Variants in CSMD1 observed in about 807,000 individuals in gnomAD.
CSMD1 encodes the protein CUB and sushi domain-containing protein 1.
Under a neutral mutation model 417.5 loss-of-function variants are expected in CSMD1, and 213 were observed. That is an observed-to-expected ratio of 0.51 (90% CI 0.46 to 0.57). The LOEUF (loss-of-function observed/expected upper bound fraction) is 0.57, where lower values mean the gene tolerates loss of function less well. Among genes scored for constraint, CSMD1 ranks in the 20% least tolerant of loss-of-function variants. CSMD1 has a pLI of 0.00. For synonymous variants in CSMD1, 2,862 were observed against 1,736.8 expected (o/e 1.65, Z -16.11); for missense variants, 6,923 against 4,529.7 (o/e 1.53, Z -15.17).
chr8:4,320,798 C>T (rs1799228774), intron 3 of CSMD1, among the ~76,000 whole-genome samples: 2 of 152,218 alleles, frequency 1.3e-5, no homozygotes, highest in South Asian at 4.1e-4. Context: ...GGATCTAGAA[C>T]TAGACCTACC....
At chr8:3,702,650 G>A (rs922362730) in intron 7 of CSMD1, among the ~76,000 whole-genome samples, 1 of 152,178 alleles carries the variant, frequency 6.6e-6, no homozygotes, top group African/African-American at 2.4e-5. Context: ...TTCCAACATG[G>A]TGAAACCCCA....
chr8:3,371,684 T>A (rs7829968), intron 18 of CSMD1, among the ~76,000 whole-genome samples: 116,673 of 152,122 alleles, frequency 0.77, 45,185 homozygotes, highest in African/African-American at 0.88. Flanking sequence ...AAGATGTGAC[T>A]AGCCTCATCG....
chr8:4,110,291 AATTT>A (rs1341722045), intron 3 of CSMD1, among the ~76,000 whole-genome samples: 1 of 152,156 alleles, frequency 6.6e-6, no homozygotes, highest in Non-Finnish European at 1.5e-5. Flanking sequence ...AAGCAATTTT[AATTT>A]ATTTATCCAC....
Position 2,974,536 on chromosome 8 carries a change from G to C in CSMD1, c.8655C>G (p.Cys2885Trp). Residue 2885 changes from cysteine (C) to tryptophan (W), a missense_variant, in exon 56 of 70, where the codon TGC (cysteine) becomes TGG (tryptophan). Coordinates refer to ENST00000635120, the MANE Select transcript of CSMD1 (RefSeq NM_033225.6). Reference sequence around the variant, plus strand: ...TGCCTATGAGGCTCTCGCTCCCTCTGCAGGAGTAGTGCACGACGGCGCCAT... The same window carrying C: ...TGCCTATGAGGCTCTCGCTCCCTCTCCAGGAGTAGTGCACGACGGCGCCAT... ...FTYGAVVHYS[C>W]RGSESLIGND... is the part of the protein sequence containing the mutation. 1 of 1,613,598 alleles carries C rather than the reference G, an allele frequency of 6.2e-7. No homozygotes were observed. Among genetic ancestry groups the C allele is most frequent in the Non-Finnish European group, 8.5e-7 (1 of 1,179,724 alleles).
chr8:3,294,508 A>C (rs1179920671), intron 25 of CSMD1, among the ~76,000 whole-genome samples: 1 of 152,068 alleles, frequency 6.6e-6, no homozygotes, highest in Non-Finnish European at 1.5e-5. Flanking sequence ...TAGTCATTCA[A>C]GCCTTGGCAA....
In CSMD1 at chr8:3,179,100, C is replaced by T. The variant is rs545533107; in HGVS notation, c.5725+2010G>A. Reference sequence around the variant, plus strand: ...GCAGCTGGGACTACAGGCCCGCCACCACGCCTGGCTAATTCTTTGTATTTT... The same window carrying T: ...GCAGCTGGGACTACAGGCCCGCCACTACGCCTGGCTAATTCTTTGTATTTT... On this transcript the variant is annotated intron_variant, in intron 37 of 69. Transcript: ENST00000635120. 3.2e-4 allele frequency among the ~76,000 whole-genome samples: 48 copies of T among 151,722 alleles called. 1 individual carries two copies. The East Asian group carries it at 4.1e-3, about 13-fold the overall frequency.
chr8:3,229,655 G>T (rs533172717), intron 27 of CSMD1, among the ~76,000 whole-genome samples: 29 of 152,208 alleles, frequency 1.9e-4, no homozygotes, highest in African/African-American at 7.0e-4. Context: ...AAAAGAGAAA[G>T]TACTTTTAGT....
At chr8:4,074,536 TA>T (rs1799723182) in intron 3 of CSMD1, among the ~76,000 whole-genome samples, 1 of 152,152 alleles carries the variant, frequency 6.6e-6, no homozygotes, top group South Asian at 2.1e-4. Context: ...GAACATGAGC[TA>T]CCATAAATAT....
At chr8:4,970,237 G>C (rs1005729275) in intron 1 of CSMD1, among the ~76,000 whole-genome samples, 1 of 152,068 alleles carries the variant, frequency 6.6e-6, no homozygotes, top group East Asian at 1.9e-4. Context: ...ATTCACTTTG[G>C]GAGCTGAGTA....
intron 3 of CSMD1, among the ~76,000 whole-genome samples, chr8:4,079,865 G>C (rs148872242): frequency 2.6e-5 from 4 of 152,102 alleles, no homozygotes; most frequent in Non-Finnish European, 5.9e-5. Flanking sequence ...ATGACCCTTT[G>C]AATACCATCT....
intron 10 of CSMD1, among the ~76,000 whole-genome samples, chr8:3,519,196 T>C (rs560829346): frequency 1.3e-5 from 2 of 152,322 alleles, no homozygotes; most frequent in East Asian, 1.9e-4. Context: ...TGATTAATTA[T>C]CACTGAAGGG....
At chr8:4,207,069 G>A (rs941155948) in intron 3 of CSMD1, among the ~76,000 whole-genome samples, 3 of 152,104 alleles carry the variant, frequency 2.0e-5, no homozygotes, top group African/African-American at 7.2e-5. Flanking sequence ...TGCAAGAGGT[G>A]TATTATGAAT....
At chr8:4,650,708 A>C (rs142483751) in intron 1 of CSMD1, among the ~76,000 whole-genome samples, 4 of 151,240 alleles carry the variant, frequency 2.6e-5, no homozygotes, top group African/African-American at 9.7e-5. Flanking sequence ...ATTTTATTTT[A>C]CTGATTTCTA....
rs537120421 is a variant in CSMD1, at chr8:4,383,132, C to T, written c.415+36821G>A. Among the ~76,000 whole-genome samples, 6 of 152,244 alleles carry T rather than the reference C, an allele frequency of 3.9e-5. No homozygotes were observed. The East Asian group carries it at 1.2e-3, about 29-fold the overall frequency. ...GGGCTTTCCTGTGTATTAAACTAAG[C>T]AACTTGATGATTTGTTTCAAAATTT... is the stretch of plus-strand genomic sequence containing the variant. On this transcript the variant is annotated intron_variant, in intron 3 of 69. Coordinates refer to ENST00000635120, the MANE Select transcript of CSMD1 (RefSeq NM_033225.6).
At chr8:3,479,975 T>C (rs1817642635) in intron 11 of CSMD1, among the ~76,000 whole-genome samples, 1 of 152,216 alleles carries the variant, frequency 6.6e-6, no homozygotes, top group African/African-American at 2.4e-5. Context: ...ATTTGCTTAA[T>C]ATTAAAATTG....
At chr8:4,288,013 C>T (rs17069842) in intron 3 of CSMD1, among the ~76,000 whole-genome samples, 1 of 152,000 alleles carries the variant, frequency 6.6e-6, no homozygotes, top group East Asian at 1.9e-4. Context: ...AAACTTCTGC[C>T]TTTTTTAGCT....
At chr8:4,672,904 A>G (rs1376179754) in intron 1 of CSMD1, among the ~76,000 whole-genome samples, 2 of 152,158 alleles carry the variant, frequency 1.3e-5, no homozygotes, top group African/African-American at 4.8e-5. Flanking sequence ...GAGACAACAA[A>G]CACATTCACA....
At chr8:2,978,540 C>T (rs1805127022) in intron 55 of CSMD1, 72 bp downstream of exon 55, 3 of 1,227,526 alleles carry the variant, frequency 2.4e-6, no homozygotes, top group Non-Finnish European at 3.4e-6. Flanking sequence ...TTTAAATATA[C>T]TTACGGAATT....
At chr8:4,006,454 G>A (rs139720130) in intron 4 of CSMD1, among the ~76,000 whole-genome samples, 4 of 152,314 alleles carry the variant, frequency 2.6e-5, no homozygotes, top group East Asian at 3.9e-4. Context: ...TGAGGCCGAA[G>A]AATCGCTTGA....
Sources: allele counts gnomAD v4.1 joint callset (sites outside exome capture counted in the v4.1 genomes callset), GRCh38; gene constraint gnomAD v4.1.1; transcripts MANE v1.5; gene names NCBI Gene and HGNC (gene_info 2026-07-23, HGNC 2026-07-21).